Variants in MALRD1 observed in about 807,000 individuals in gnomAD.
MALRD1 encodes the protein MAM and LDL receptor class A domain containing 1, also known as MAM and LDL-receptor class A domain-containing protein 1.
In MALRD1, 247 loss-of-function variants were observed where a neutral mutation model predicts 242.1. The ratio of observed to expected loss-of-function variants is 1.02; its 90% CI spans 0.92 to 1.13. The LOEUF is 1.13. Ranked by LOEUF, MALRD1 falls within the 50% of genes most tolerant of loss-of-function variation. MALRD1 has a pLI of 0.00. For synonymous variants in MALRD1, 995 were observed against 866.6 expected (o/e 1.15, Z -2.60); for missense variants, 2,989 against 2,533.1 (o/e 1.18, Z -3.86).
intron 31 of MALRD1, among the ~76,000 whole-genome samples, chr10:19,529,054 A>G (rs1289909371): frequency 6.6e-6 from 1 of 152,146 alleles, no homozygotes; most frequent in Non-Finnish European, 1.5e-5. Context: ...CAGCCCACAC[A>G]CTTTGGTGAA....
At chr10:19,592,013 G>C (rs1472877051) in intron 33 of MALRD1, among the ~76,000 whole-genome samples, 1 of 152,202 alleles carries the variant, frequency 6.6e-6, no homozygotes, top group East Asian at 1.9e-4. Flanking sequence ...TTGGCTAAGA[G>C]ACTACCTAGA....
intron 32 of MALRD1, among the ~76,000 whole-genome samples, chr10:19,531,710 T>C (rs888603027): frequency 6.6e-6 from 1 of 152,212 alleles, no homozygotes; most frequent in African/African-American, 2.4e-5. Context: ...AAGATAATTT[T>C]CTACCCAAAA....
chr10:19,477,487 AAC>A (rs1332244371), intron 29 of MALRD1, among the ~76,000 whole-genome samples: 3 of 147,860 alleles, frequency 2.0e-5, no homozygotes, highest in Admixed American at 2.0e-4. Context: ...TAAATAAATA[AAC>A]ACAATAATTG....
At chr10:19,468,461 G>T (rs190931539) in intron 29 of MALRD1, among the ~76,000 whole-genome samples, 212 of 152,114 alleles carry the variant, frequency 1.4e-3, no homozygotes, top group African/African-American at 4.5e-3. Flanking sequence ...TTTTACTCTT[G>T]TTAATATATT....
chr10:19,669,164 G>C (rs989218474), intron 36 of MALRD1, among the ~76,000 whole-genome samples: 30 of 152,228 alleles, frequency 2.0e-4, no homozygotes, highest in African/African-American at 7.0e-4. Context: ...TTATCTAGAA[G>C]CTGGAAGATA....
intron 20 of MALRD1, among the ~76,000 whole-genome samples, chr10:19,280,973 G>C (rs1588842613): frequency 1.3e-5 from 2 of 152,132 alleles, no homozygotes; most frequent in Admixed American, 1.3e-4. Flanking sequence ...AATATTAAGG[G>C]CTTAGAACAG....
intron 34 of MALRD1, among the ~76,000 whole-genome samples, chr10:19,606,622 A>G (rs977188338): frequency 6.6e-6 from 1 of 152,110 alleles, no homozygotes; most frequent in African/African-American, 2.4e-5. Flanking sequence ...TCTGCTCCAC[A>G]CACATCACAG....
intron 17 of MALRD1, among the ~76,000 whole-genome samples, chr10:19,208,476 G>T (rs1836887907): frequency 1.3e-5 from 2 of 152,166 alleles, no homozygotes; most frequent in East Asian, 3.9e-4. Flanking sequence ...ATACATGAAA[G>T]AATCTGGATT....
intron 18 of MALRD1, among the ~76,000 whole-genome samples, chr10:19,229,707 C>T (rs774894117): frequency 2.0e-4 from 31 of 152,118 alleles, no homozygotes; most frequent in Non-Finnish European, 8.8e-5. Context: ...ATAACAACAA[C>T]AGGCACCTTT....
At chr10:19,251,549 G>A (rs1361158979) in intron 18 of MALRD1, among the ~76,000 whole-genome samples, 1 of 151,854 alleles carries the variant, frequency 6.6e-6, no homozygotes, top group African/African-American at 2.4e-5. Flanking sequence ...CTGTCTTTCT[G>A]TATCAGGGAT....
intron 32 of MALRD1, among the ~76,000 whole-genome samples, chr10:19,552,646 T>A (rs1349671269): frequency 6.6e-6 from 1 of 152,118 alleles, no homozygotes; most frequent in Non-Finnish European, 1.5e-5. Context: ...CTGGTTTTTG[T>A]AAGTAGATGG....
intron 34 of MALRD1, among the ~76,000 whole-genome samples, chr10:19,603,288 A>T (rs1399427300): frequency 1.3e-5 from 2 of 151,936 alleles, no homozygotes; most frequent in Non-Finnish European, 2.9e-5. Flanking sequence ...TTCTGAATGG[A>T]ATTGCCTAGG....
intron 33 of MALRD1, among the ~76,000 whole-genome samples, chr10:19,570,850 T>C (rs960878834): frequency 2.6e-5 from 4 of 152,104 alleles, no homozygotes; most frequent in Non-Finnish European, 5.9e-5. Context: ...TCCATATTTT[T>C]AAATGTCTTC....
intron 24 of MALRD1, among the ~76,000 whole-genome samples, chr10:19,338,913 A>T (rs187617203): frequency 5.5e-5 from 8 of 144,404 alleles, no homozygotes; most frequent in East Asian, 1.9e-4. Flanking sequence ...TATATATATA[A>T]AACTACATAT....
intron 29 of MALRD1, among the ~76,000 whole-genome samples, chr10:19,482,302 C>T (rs1423496518): frequency 6.6e-6 from 1 of 151,504 alleles, no homozygotes; most frequent in African/African-American, 2.4e-5. Flanking sequence ...TAAAAACTGT[C>T]CAAAGATAAT....
intron 38 of MALRD1, among the ~76,000 whole-genome samples, chr10:19,696,178 C>T (rs914251089): frequency 2.6e-5 from 4 of 152,180 alleles, no homozygotes; most frequent in African/African-American, 9.7e-5. Context: ...ATGCAAGACT[C>T]AGAGACCCTG....
At chr10:19,328,349 C>T (rs987512228) in intron 23 of MALRD1, among the ~76,000 whole-genome samples, 2 of 152,146 alleles carry the variant, frequency 1.3e-5, no homozygotes, top group South Asian at 4.1e-4. Flanking sequence ...TGAGGCTTAG[C>T]TCTGAAGATT....
intron 28 of MALRD1, among the ~76,000 whole-genome samples, chr10:19,423,331 A>G (rs1294335218): frequency 2.0e-5 from 3 of 152,078 alleles, no homozygotes; most frequent in South Asian, 4.1e-4. Flanking sequence ...AAATATTATA[A>G]TGATGATTTC....
chr10:19,670,793 G>A (rs1291888467), intron 36 of MALRD1, among the ~76,000 whole-genome samples: 1 of 151,876 alleles, frequency 6.6e-6, no homozygotes, highest in Non-Finnish European at 1.5e-5. Context: ...CTTTTGTGCT[G>A]CTATCCTGAT....
Sources: allele counts gnomAD v4.1 joint callset (sites outside exome capture counted in the v4.1 genomes callset), GRCh38; gene constraint gnomAD v4.1.1; transcripts MANE v1.5; gene names NCBI Gene and HGNC (gene_info 2026-07-23, HGNC 2026-07-21).